ULK4: variants seen among roughly 807,000 people sequenced by gnomAD.
The protein encoded by ULK4 is inactive serine/threonine-protein kinase ULK4.
Under a neutral mutation model 160.6 loss-of-function variants are expected in ULK4, and 133 were observed. The ratio of observed to expected loss-of-function variants is 0.83; its 90% CI spans 0.72 to 0.96. ULK4 has a LOEUF of 0.96. Among genes scored for constraint, ULK4 ranks in the 40% least tolerant of loss-of-function variants. The pLI is 0.00. For missense variants in ULK4, 1,580 were observed against 1,499.5 expected (o/e 1.05, Z -0.89); for synonymous variants, 534 against 539.8 (o/e 0.99, Z 0.15).
At chr3:41,781,416 TAAAA>T (rs57995352) in intron 21 of ULK4, among the ~76,000 whole-genome samples, 22 of 135,124 alleles carry the variant, frequency 1.6e-4, no homozygotes, top group Non-Finnish European at 2.4e-4. Flanking sequence ...GACTCCATCT[TAAAA>T]AAAAAAAAAA....
At chr3:41,620,515 C>T (rs764684921) in intron 30 of ULK4, among the ~76,000 whole-genome samples, 4 of 152,108 alleles carry the variant, frequency 2.6e-5, no homozygotes, top group Non-Finnish European at 5.9e-5. Flanking sequence ...ATGACAAAAC[C>T]ACATGATTAT....
At chr3:41,270,443 A>G (rs538245348) in intron 35 of ULK4, among the ~76,000 whole-genome samples, 52 of 152,330 alleles carry the variant, frequency 3.4e-4, no homozygotes, top group African/African-American at 1.2e-3. Context: ...AGAGTCACGA[A>G]GCAGAAACAA....
At chr3:41,859,780 C>A (rs1161642421) in intron 17 of ULK4, among the ~76,000 whole-genome samples, 2 of 151,932 alleles carry the variant, frequency 1.3e-5, no homozygotes, top group Non-Finnish European at 2.9e-5. Context: ...GCCTTGGCCT[C>A]CCCAGTAGCT....
intron 21 of ULK4, among the ~76,000 whole-genome samples, chr3:41,772,880 G>C (rs1418111283): frequency 2.6e-5 from 4 of 152,188 alleles, no homozygotes; most frequent in East Asian, 1.9e-4. Context: ...CCATGATCAA[G>C]TGGGCTTCAT....
chr3:41,254,515 G>A (rs2078796631), intron 35 of ULK4, among the ~76,000 whole-genome samples: 1 of 152,132 alleles, frequency 6.6e-6, no homozygotes, highest in African/African-American at 2.4e-5. Flanking sequence ...GAAATCTATA[G>A]TACTAAATAC....
intron 31 of ULK4, among the ~76,000 whole-genome samples, chr3:41,588,397 A>C (rs1015234894): frequency 2.0e-5 from 3 of 152,200 alleles, no homozygotes; most frequent in Admixed American, 2.0e-4. Flanking sequence ...GAATTTTCAA[A>C]TTTTCACAGA....
chr3:41,826,671 G>C (rs1334040481), intron 18 of ULK4, among the ~76,000 whole-genome samples: 1 of 149,358 alleles, frequency 6.7e-6, no homozygotes, highest in Non-Finnish European at 1.5e-5. Context: ...AGTCCTTAGA[G>C]ACCTACAAAG....
intron 32 of ULK4, among the ~76,000 whole-genome samples, chr3:41,548,302 T>A (rs1322414707): frequency 6.6e-6 from 1 of 151,878 alleles, no homozygotes; most frequent in East Asian, 1.9e-4. Context: ...CACATACACA[T>A]CAGGAGGCCT....
intron 29 of ULK4, among the ~76,000 whole-genome samples, chr3:41,678,784 G>A (rs930512600): frequency 6.6e-6 from 1 of 152,150 alleles, no homozygotes; most frequent in African/African-American, 2.4e-5. Context: ...GTCAAGGGAA[G>A]GCTAAAACTT....
chr3:41,639,120 T>A (rs2034079432), intron 30 of ULK4, among the ~76,000 whole-genome samples: 1 of 152,194 alleles, frequency 6.6e-6, no homozygotes, highest in Non-Finnish European at 1.5e-5. Flanking sequence ...GTGTAGCTAT[T>A]ATTTCCATAA....
chr3:41,512,007 A>C (rs1168463953), intron 32 of ULK4, among the ~76,000 whole-genome samples: 1 of 152,214 alleles, frequency 6.6e-6, no homozygotes, highest in East Asian at 1.9e-4. Context: ...TACACCACAT[A>C]AACAGAATTA....
intron 34 of ULK4, among the ~76,000 whole-genome samples, chr3:41,448,448 A>C (rs2083353610): frequency 6.6e-6 from 1 of 152,212 alleles, no homozygotes; most frequent in Non-Finnish European, 1.5e-5. Context: ...AAACCAAGAG[A>C]AAGTGCTAGA....
intron 30 of ULK4, among the ~76,000 whole-genome samples, chr3:41,641,604 A>G (rs1052933562): frequency 5.3e-5 from 8 of 152,162 alleles, no homozygotes; most frequent in African/African-American, 1.9e-4. Context: ...TTAAATCATA[A>G]AAACCACTGG....
intron 32 of ULK4, among the ~76,000 whole-genome samples, chr3:41,483,705 T>C (rs1348400938): frequency 6.6e-6 from 1 of 152,186 alleles, no homozygotes; most frequent in Non-Finnish European, 1.5e-5. Context: ...CCTGTGAATA[T>C]GATCTTACAT....
At chr3:41,684,541 G>C (rs189614150) in intron 27 of ULK4, among the ~76,000 whole-genome samples, 1 of 152,136 alleles carries the variant, frequency 6.6e-6, no homozygotes, top group Admixed American at 6.5e-5. Context: ...AGTCTGAAAG[G>C]ACCTGGAGAC....
chr3:41,262,304 G>C (rs1290764747), intron 35 of ULK4, among the ~76,000 whole-genome samples: 2 of 152,204 alleles, frequency 1.3e-5, no homozygotes, highest in Non-Finnish European at 2.9e-5. Flanking sequence ...CAAGGAAATA[G>C]CTTGGCCTGT....
At position 41,258,390 on chromosome 3, in the gene ULK4, T is replaced by A. The variant is rs1315522435; in HGVS notation, c.3679-8816A>T. The A allele has an allele frequency of 2.6e-5, 4 of 152,278 alleles. No individual in the cohort carries two copies. In the East Asian group the frequency reaches 5.8e-4, roughly 22 times the overall value. 9.4% of individuals were successfully genotyped at this position (152,278 alleles called of 1,614,324 possible). A position where few individuals can be genotyped will look rare whatever the true frequency, so the allele number is the denominator to read the frequency against. Reference sequence around the variant, plus strand: ...GATGCTGAATTCATGACTAAGAGACTATTGGTGAACTTATCCTGGCTGTGA... The same window carrying A: ...GATGCTGAATTCATGACTAAGAGACAATTGGTGAACTTATCCTGGCTGTGA... On this transcript the variant is annotated intron_variant, in intron 35 of 36. Transcript: ENST00000301831.
intron 31 of ULK4, among the ~76,000 whole-genome samples, chr3:41,595,498 A>T (rs1003322764): frequency 6.6e-6 from 1 of 152,254 alleles, no homozygotes; most frequent in Non-Finnish European, 1.5e-5. Context: ...TTACTTATGC[A>T]AAGTGTGTAG....
At chr3:41,911,743 AT>A (rs1698793912) in intron 9 of ULK4, 84 bp from the exon 10 acceptor site, 1 of 1,026,620 alleles carries the variant, frequency 9.7e-7, no homozygotes, top group African/African-American at 1.6e-5. Context: ...GTTGGAGAAG[AT>A]AATTAAATTA....
Sources: gnomAD v4.1 joint callset for allele counts (sites outside exome capture counted in the v4.1 genomes callset) on GRCh38, gnomAD v4.1.1 for gene constraint, MANE v1.5 for transcripts, NCBI Gene and HGNC (gene_info 2026-07-23, HGNC 2026-07-21) for gene names.